RYR1: variants seen among roughly 807,000 people sequenced by gnomAD.
RYR1 encodes ryanodine receptor 1.
In RYR1, 342 loss-of-function variants were observed where a neutral mutation model predicts 583.5. That is an observed-to-expected ratio of 0.59 (90% confidence interval 0.54 to 0.64). RYR1 has a LOEUF of 0.64. Among genes scored for constraint, RYR1 ranks in the 30% least tolerant of loss-of-function variants. RYR1 has a pLI of 0.00. For synonymous variants in RYR1, 2,791 were observed against 2,822.5 expected, an observed-to-expected ratio of 0.99 and a Z score of 0.35; for missense variants, 6,032 against 6,917.2, an observed-to-expected ratio of 0.87 and a Z score of 4.54.
intron 54 of RYR1, 122 bp downstream of exon 54, chr19:38,506,068 G>A: frequency 3.7e-6 from 5 of 1,349,994 alleles, no homozygotes; most frequent in African/African-American, 1.4e-5. Context: ...TGGGGCAAGA[G>A]GGGTGCAGAA....
rs774087940 is a variant in RYR1, at chr19:38,466,166, A to G, written c.2946A>G (p.Thr982=). The part of the protein sequence containing the change: ...SHVRLTPAQT[T]LVDRLAENGH... ...TGCGGCTGACGCCGGCGCAGACGACACTGGTGGACCGTCTGGCAGAAAATG... is the reference window on the plus strand; with the variant it reads ...TGCGGCTGACGCCGGCGCAGACGACGCTGGTGGACCGTCTGGCAGAAAATG... Residue 982 remains threonine, a synonymous_variant, in exon 24 of 106, where the codon ACA becomes ACG. Coordinates refer to ENST00000359596, the MANE Select transcript of RYR1 (RefSeq NM_000540.3). 5.6e-6 allele frequency: 9 copies of G among 1,613,432 alleles called. No homozygotes were observed. Among genetic ancestry groups the G allele is most frequent in the Admixed American group, 1.7e-5 (1 of 59,984 alleles).
intron 71 of RYR1, among the ~76,000 whole-genome samples, chr19:38,526,109 C>T (rs996631003): frequency 6.6e-6 from 1 of 152,028 alleles, no homozygotes; most frequent in Non-Finnish European, 1.5e-5. Flanking sequence ...ATCCATGAAC[C>T]CCAAGCCCGG....
chr19:38,585,481 A>AT (rs1014656166), intron 102 of RYR1, among the ~76,000 whole-genome samples: 11 of 141,890 alleles, frequency 7.8e-5, no homozygotes, highest in South Asian at 4.5e-4. Context: ...TATATGTATA[A>AT]TTTTTTTTTT....
chr19:38,442,439 G>C lies in RYR1; in HGVS notation c.256G>C (p.Glu86Gln). The change falls in exon 3 of 106, where the codon GAG becomes CAG. Residue 86 changes from glutamate (E) to glutamine (Q), a missense_variant. By Grantham distance (29) the Glu-to-Gln change is conservative (BLOSUM62 2). Around this residue, in one of 11 missense-constraint regions of RYR1, gnomAD observed 338 missense variants for 441.6 expected, o/e 0.77. Coordinates refer to ENST00000359596, the MANE Select transcript of RYR1 (RefSeq NM_000540.3). ...GCAGGAGATGCTGGCTAACACGGTG[G>C]AGGCTGGCGTGGAGGTGAGGACCCC... ...ALQEMLANTV[E>Q]AGVESSQGGG... The C allele has an allele frequency of 6.2e-7, 1 of 1,613,528 alleles. No homozygotes were observed. Among genetic ancestry groups the C allele is most frequent in the Non-Finnish European group, 8.5e-7 (1 of 1,179,642 alleles).
In RYR1 at chr19:38,504,823, G is replaced by A. The variant is rs1970366477; in HGVS notation, c.8143G>A (p.Val2715Met). The change falls in exon 51 of 106, where the codon GTG (valine) becomes ATG (methionine). Residue 2715 changes from valine (V) to methionine (M), a missense_variant. By Grantham distance (21) the Val-to-Met change is conservative (BLOSUM62 1). This residue lies in a region of RYR1 where 1,493 missense variants were observed against 1,715.5 expected (regional missense o/e 0.87). Coordinates refer to ENST00000359596, the MANE Select transcript of RYR1 (RefSeq NM_000540.3). ...TGCCGGGGCTCTGCCCCCCGACTAT[G>A]TGGATGCCTCATACTCATCTAAGGC... is the stretch of plus-strand genomic sequence containing the variant. ...AIAGALPPDY[V>M]DASYSSKAEK... The A allele has an allele frequency of 6.2e-7, 1 of 1,613,998 alleles. No homozygotes were observed.
chr19:38,512,017 A>ACTGTCCT lies in RYR1; in HGVS notation c.9173-45_9173-39dup, dbSNP rs1323898252. 6.3e-7 allele frequency: 1 copy of ACTGTCCT among 1,581,636 alleles called. No homozygotes were observed. Among genetic ancestry groups the ACTGTCCT allele is most frequent in the South Asian group, 1.1e-5 (1 of 88,146 alleles). On this transcript the variant is annotated intron_variant, in intron 61 of 105. Coordinates refer to ENST00000359596, the MANE Select transcript of RYR1 (RefSeq NM_000540.3). The surrounding 1 kb of genome is among the most constrained non-coding windows in gnomAD (Gnocchi z 5.1). ...GGTTGGGGTGGATGTAGAGGGAGGC[A>ACTGTCCT]CTGTCCTCTGTCCTCTTAGCCATGG...
At chr19:38,484,327 A>C (rs2145534723) in intron 33 of RYR1, among the ~76,000 whole-genome samples, 1 of 151,888 alleles carries the variant, frequency 6.6e-6, no homozygotes, top group Non-Finnish European at 1.5e-5. Context: ...GGAATCCCAG[A>C]CTCACCCAGG....
chr19:38,499,339 G>T lies in RYR1; in HGVS notation c.7027+96G>T. On this transcript the variant is annotated intron_variant, in intron 43 of 105. Coordinates refer to ENST00000359596, the MANE Select transcript of RYR1 (RefSeq NM_000540.3). The surrounding 1 kb of genome is among the most constrained non-coding windows in gnomAD (Gnocchi z 7.3). ...TGCTCGCACCCTGAGCCACAGATGG[G>T]GTCCAGGCAGGAATCCCTTCCAGCA... 6.3e-7 allele frequency: 1 copy of T among 1,582,780 alleles called. No individual in the cohort carries two copies. Among genetic ancestry groups the T allele is most frequent in the Admixed American group, 1.7e-5 (1 of 59,882 alleles).
chr19:38,485,500 G>A lies in RYR1; in HGVS notation c.4935-90G>A. 2.0e-6 allele frequency: 3 copies of A among 1,527,266 alleles called. No homozygotes were observed. In the South Asian group the frequency reaches 3.4e-5, roughly 17 times the overall value. The allele number at this position is 1,527,266 out of a possible 1,614,324, so 94.6% of individuals were successfully genotyped here. On this transcript the variant is annotated intron_variant, in intron 33 of 105. Transcript: ENST00000359596. Reference sequence around the variant, plus strand: ...AGACGAATGAATAAATGGGTGGATAGTGATGAAGGAAATGGAGGAAGAGAT... The same window carrying A: ...AGACGAATGAATAAATGGGTGGATAATGATGAAGGAAATGGAGGAAGAGAT...
intron 58 of RYR1, among the ~76,000 whole-genome samples, chr19:38,508,713 C>T (rs1454341498): frequency 6.6e-6 from 1 of 152,142 alleles, no homozygotes; most frequent in Non-Finnish European, 1.5e-5. Flanking sequence ...GAAGCAGAGT[C>T]ATCGAGGGGG....
chr19:38,515,146 TGGAGGGG>T, intron 64 of RYR1, 39 bp downstream of exon 64: 5 of 965,134 alleles, frequency 5.2e-6, no homozygotes, highest in East Asian at 3.2e-5. Flanking sequence ...TGGGTGGGGC[TGGAGGGG>T]AAGGGAGGGA....
Position 38,510,508 on chromosome 19 carries a change from C to T in RYR1, c.8943C>T (p.Val2981=). Residue 2981 remains valine, a synonymous_variant, in exon 59 of 106, where the codon GTC becomes GTT. Coordinates refer to ENST00000359596, the MANE Select transcript of RYR1 (RefSeq NM_000540.3). ...QEFIAHLEAV[V]SSGRVEKSPH... ...TTGCCCTCCCTACAGAGGCTGTGGTCAGCAGTGGGCGAGTGGAAAAGTCCC... is the reference window on the plus strand; with the variant it reads ...TTGCCCTCCCTACAGAGGCTGTGGTTAGCAGTGGGCGAGTGGAAAAGTCCC... The T allele has an allele frequency of 6.2e-7, 1 of 1,614,188 alleles. No homozygotes were observed. Among genetic ancestry groups the T allele is most frequent in the Non-Finnish European group, 8.5e-7 (1 of 1,180,044 alleles).
chr19:38,525,220 G>A, intron 70 of RYR1, 112 bp from the exon 71 acceptor site: 1 of 1,261,194 alleles, frequency 7.9e-7, no homozygotes. Flanking sequence ...GGCAGTTGGG[G>A]AGGGAGTGCC....
chr19:38,447,267 G>A (rs756869325), intron 9 of RYR1, among the ~76,000 whole-genome samples: 1 of 151,684 alleles, frequency 6.6e-6, no homozygotes, highest in Non-Finnish European at 1.5e-5. Flanking sequence ...GAGGCCAAGC[G>A]TGGTGGCTCA....
chr19:38,551,467 T>G (rs922310308), intron 89 of RYR1, among the ~76,000 whole-genome samples: 5 of 152,028 alleles, frequency 3.3e-5, no homozygotes, highest in Admixed American at 3.3e-4. Flanking sequence ...AAAATCAAAG[T>G]GCCCCATGCC....
chr19:38,478,006 T>G, intron 30 of RYR1, 136 bp downstream of exon 30: 1 of 842,290 alleles, frequency 1.2e-6, no homozygotes, highest in Non-Finnish European at 1.9e-6. Flanking sequence ...TCTGGGGCAC[T>G]GGGCACCCAG....
At chr19:38,498,428 G>A (rs1179347331) in intron 42 of RYR1, among the ~76,000 whole-genome samples, 1 of 152,160 alleles carries the variant, frequency 6.6e-6, no homozygotes, top group African/African-American at 2.4e-5. Flanking sequence ...AACCGCTACA[G>A]GAAAGGGGTC....
At chr19:38,446,593 G>T in intron 8 of RYR1, 28 bp downstream of exon 8, 2 of 1,608,302 alleles carry the variant, frequency 1.2e-6, no homozygotes, top group Non-Finnish European at 1.7e-6. Context: ...GAGGGCCTGG[G>T]GTCTAGGGGT....
At chr19:38,537,998 G>A (rs1336928639) in intron 84 of RYR1, 38 bp downstream of exon 84, 1 of 1,593,788 alleles carries the variant, frequency 6.3e-7, no homozygotes, top group African/African-American at 1.3e-5. Flanking sequence ...GGAAGCCGAG[G>A]TTTGGGGCTG....
Sources: gnomAD v4.1 joint callset for allele counts (sites outside exome capture counted in the v4.1 genomes callset) on GRCh38, gnomAD v4.1.1 for gene constraint, gnomAD v4.1.1 regional missense constraint, Gnocchi (gnomAD v3.1) non-coding constraint, MANE v1.5 for transcripts, NCBI Gene and HGNC (gene_info 2026-07-23, HGNC 2026-07-21) for gene names.